The following STAG1 variants were observed in gnomAD, a reference collection of about 807,000 sequenced individuals.
STAG1 encodes cohesin subunit SA-1.
In STAG1, 26 loss-of-function variants were observed where a neutral mutation model predicts 170.9. The observed-to-expected ratio is 0.15, with a 90% CI of 0.11 to 0.21. STAG1 has a LOEUF of 0.21. Among genes scored for constraint, STAG1 ranks in the 10% least tolerant of loss-of-function variants. STAG1 has a pLI of 1.00. For synonymous variants in STAG1, 514 were observed against 497.7 expected, an observed-to-expected ratio of 1.03 and a Z score of -0.44; for missense variants, 964 against 1,509.5, an observed-to-expected ratio of 0.64 and a Z score of 5.99.
chr3:136,477,161 G>T, intron 10 of STAG1, 128 bp downstream of exon 10: 2 of 986,482 alleles, frequency 2.0e-6, no homozygotes, highest in Non-Finnish European at 2.9e-6. Flanking sequence ...TAGTTATTCA[G>T]CTGCATCATC....
At chr3:136,663,388 T>C (rs1941644311) in intron 1 of STAG1, among the ~76,000 whole-genome samples, 1 of 152,170 alleles carries the variant, frequency 6.6e-6, no homozygotes, top group East Asian at 1.9e-4. Context: ...ATGAGGCAAT[T>C]TGCTCAAGAG....
At chr3:136,459,491 C>T (rs887670452) in intron 13 of STAG1, among the ~76,000 whole-genome samples, 11 of 152,122 alleles carry the variant, frequency 7.2e-5, no homozygotes, top group African/African-American at 2.7e-4. Context: ...CAAAGAAACA[C>T]TGGAGTTAAA....
In STAG1 at chr3:136,362,355, C is replaced by T. The variant is rs1276798423; in HGVS notation, c.2787+1011G>A. Among the ~76,000 whole-genome samples, 8 of 152,076 alleles carry T rather than the reference C, an allele frequency of 5.3e-5. No individual in the cohort carries two copies. The South Asian group carries it at 1.5e-3, about 28-fold the overall frequency. ...TCACTTTTCTATGGGATTTATTTAT[C>T]TTTCCTACTGATCTGTAGGATTTGT... On this transcript the variant is annotated intron_variant, in intron 26 of 33. Transcript: ENST00000383202.
rs117411595 is a variant in STAG1, at chr3:136,727,578, C to T, written c.-84+24617G>A. ...CCCTTTAATCTACCACCAGGTTGGC[C>T]TGAATATAGTTAAGGATGGAACTCT... On this transcript the variant is annotated intron_variant, in intron 1 of 33. Coordinates refer to ENST00000383202, the MANE Select transcript of STAG1 (RefSeq NM_005862.3). Among the ~76,000 whole-genome samples the T allele has an allele frequency of 3.3e-3, 507 of 152,274 alleles. 8 individuals are homozygous for T. In the East Asian group the frequency reaches 0.048, roughly 14 times the overall value.
chr3:136,459,633 T>A (rs577756211), intron 13 of STAG1, among the ~76,000 whole-genome samples: 1 of 152,210 alleles, frequency 6.6e-6, no homozygotes, highest in Non-Finnish European at 1.5e-5. Flanking sequence ...AAGAAGTCAA[T>A]AGATTTTAAA....
chr3:136,452,106 G>A lies in STAG1; in HGVS notation c.1355C>T (p.Ala452Val), dbSNP rs2088958677. Residue 452 changes from alanine to valine, a missense_variant, in exon 14 of 34, where the codon GCA becomes GTA. This residue lies in a region of STAG1 where 162 missense variants were observed against 211.2 expected (regional missense o/e 0.77). Coordinates refer to ENST00000383202, the MANE Select transcript of STAG1 (RefSeq NM_005862.3). ...RHDPQAEEAL[A>V]KRRGRNSPNG... is the part of the protein sequence containing the mutation. ...CGGGCTGTTTCTTCCCCTCCTCTTT[G>A]CTAATGCTTCTTCTGCTTGTGGGTC... The A allele has an allele frequency of 2.5e-6, 4 of 1,613,168 alleles. No homozygotes were observed. The East Asian group carries it at 6.7e-5, about 27-fold the overall frequency.
chr3:136,591,377 G>C (rs899675610), intron 4 of STAG1: 1 of 156,916 alleles, frequency 6.4e-6, no homozygotes, highest in African/African-American at 2.4e-5. Context: ...GAAGGAAGGA[G>C]GGAAGGAAGG....
At chr3:136,500,136 G>A (rs1933390064) in intron 9 of STAG1, 87 bp downstream of exon 9, 3 of 824,960 alleles carry the variant, frequency 3.6e-6, no homozygotes, top group Middle Eastern at 2.9e-4. Context: ...ATCATAATTA[G>A]TGAGTTTTAC....
intron 1 of STAG1, among the ~76,000 whole-genome samples, chr3:136,678,591 T>C (rs910875641): frequency 5.9e-5 from 9 of 151,364 alleles, no homozygotes; most frequent in Non-Finnish European, 1.2e-4. Flanking sequence ...AAAGTAGAAC[T>C]ATAAAAAATT....
At chr3:136,556,048 T>C (rs1936601429) in intron 5 of STAG1, among the ~76,000 whole-genome samples, 1 of 152,214 alleles carries the variant, frequency 6.6e-6, no homozygotes, top group African/African-American at 2.4e-5. Context: ...GTTCTAGGAA[T>C]GCATATTAAA....
intron 7 of STAG1, among the ~76,000 whole-genome samples, chr3:136,516,919 T>A (rs1039578889): frequency 1.3e-5 from 2 of 152,164 alleles, no homozygotes; most frequent in Admixed American, 1.3e-4. Flanking sequence ...ACCCATTCTA[T>A]CAACCACAGT....
chr3:136,441,490 GAA>G (rs991825930), intron 15 of STAG1, among the ~76,000 whole-genome samples: 1 of 152,150 alleles, frequency 6.6e-6, no homozygotes, highest in Non-Finnish European at 1.5e-5. Context: ...TAATAAATTA[GAA>G]AAAAGTTTTT....
intron 12 of STAG1, among the ~76,000 whole-genome samples, chr3:136,467,406 C>A (rs2089495029): frequency 6.6e-6 from 1 of 151,980 alleles, no homozygotes; most frequent in Non-Finnish European, 1.5e-5. Context: ...CAGAAAGAGA[C>A]AAAGAAGGCC....
chr3:136,550,537 G>T (rs539776092), intron 5 of STAG1, among the ~76,000 whole-genome samples: 1 of 152,140 alleles, frequency 6.6e-6, no homozygotes, highest in African/African-American at 2.4e-5. Flanking sequence ...TTGATCTCCT[G>T]ACCTTGTGAT....
chr3:136,720,416 G>A (rs1486901596), intron 1 of STAG1, among the ~76,000 whole-genome samples: 1 of 152,190 alleles, frequency 6.6e-6, no homozygotes, highest in Non-Finnish European at 1.5e-5. Context: ...AGTCCCAGGA[G>A]AATGTGTCCT....
At chr3:136,371,074 C>A (rs1937307296) in intron 23 of STAG1, among the ~76,000 whole-genome samples, 1 of 152,126 alleles carries the variant, frequency 6.6e-6, no homozygotes, top group Admixed American at 6.5e-5. Context: ...GATGGTATCT[C>A]ATTGTGGTTT....
intron 6 of STAG1, among the ~76,000 whole-genome samples, chr3:136,522,010 A>T (rs1482664271): frequency 2.0e-5 from 3 of 152,216 alleles, no homozygotes; most frequent in Non-Finnish European, 4.4e-5. Context: ...TGAGTTCTTG[A>T]TATCACCAGG....
chr3:136,394,315 C>A lies in STAG1; in HGVS notation c.2277+4434G>T, dbSNP rs898363540. Among the ~76,000 whole-genome samples, 44 of 152,308 alleles carry A rather than the reference C, an allele frequency of 2.9e-4. 1 individual carries two copies. The highest frequency in any genetic ancestry group is 1.0e-3 in the African/African-American group (43 of 41,560). On this transcript the variant is annotated intron_variant, in intron 22 of 33. Coordinates refer to ENST00000383202, the MANE Select transcript of STAG1 (RefSeq NM_005862.3). ...AGACAGAACTGATGTACGATGACTA[C>A]TGAATATACCCTGGACTTTTAAAGA...
rs200626609 is a variant in STAG1, at chr3:136,338,465, C to A, written c.3673-15G>T. On this transcript the variant is annotated splice_polypyrimidine_tract_variant and intron_variant, in intron 32 of 33. Transcript: ENST00000383202. ...CTTGATGGAGGCTGGAAAGAGAAAT[C>A]GGTTTCTTAATTTTTTTCTGAGATC... 52 of 1,606,620 alleles carry A rather than the reference C, an allele frequency of 3.2e-5. No homozygotes were observed. The highest frequency in any genetic ancestry group is 1.3e-5 in the African/African-American group (1 of 74,688).
Sources: allele counts gnomAD v4.1 joint callset (sites outside exome capture counted in the v4.1 genomes callset), GRCh38; gene constraint gnomAD v4.1.1; regional missense constraint gnomAD v4.1.1; transcripts MANE v1.5; gene names NCBI Gene and HGNC (gene_info 2026-07-23, HGNC 2026-07-21).